Variants in CPNE9 observed in about 807,000 individuals in gnomAD.
CPNE9 encodes the protein copine-9.
CPNE9 carries 59 observed loss-of-function variants against 83.0 expected under a neutral mutation model. That is an observed-to-expected ratio of 0.71 (90% CI 0.58 to 0.88). CPNE9 has a LOEUF of 0.88. Among genes scored for constraint, CPNE9 ranks in the 40% least tolerant of loss-of-function variants. The pLI is 0.00. For synonymous variants in CPNE9, 256 were observed against 273.4 expected (o/e 0.94, Z 0.63); for missense variants, 619 against 720.8 (o/e 0.86, Z 1.62).
intron 15 of CPNE9, among the ~76,000 whole-genome samples, chr3:9,717,717 A>C (rs2076696691): frequency 6.6e-6 from 1 of 151,986 alleles, no homozygotes; most frequent in Non-Finnish European, 1.5e-5. Context: ...TGAGTGGGTA[A>C]GTGGATAGCT....
chr3:9,705,933 C>A, intron 6 of CPNE9, 54 bp from the exon 7 acceptor site: 1 of 1,578,890 alleles, frequency 6.3e-7, no homozygotes, highest in Non-Finnish European at 8.7e-7. Context: ...TGGGGCTAGG[C>A]TGGGACTCAG....
chr3:9,718,648 A>G, intron 17 of CPNE9, 46 bp downstream of exon 17: 2 of 1,597,458 alleles, frequency 1.3e-6, no homozygotes, highest in Non-Finnish European at 1.7e-6. Context: ...GGACCCACAT[A>G]AGGGATTGAC....
chr3:9,728,452 C>T (rs981498252), intron 20 of CPNE9, among the ~76,000 whole-genome samples: 17 of 152,172 alleles, frequency 1.1e-4, no homozygotes, highest in African/African-American at 3.1e-4. Context: ...GGAGAAACCC[C>T]GTCTCTACTA....
chr3:9,721,766 T>G (rs941280594), intron 17 of CPNE9, among the ~76,000 whole-genome samples: 1 of 152,126 alleles, frequency 6.6e-6, no homozygotes, highest in Admixed American at 6.6e-5. Flanking sequence ...GATAATGGAC[T>G]GGGGATAGAG....
chr3:9,705,550 G>C (rs1393495388), intron 5 of CPNE9, 50 bp downstream of exon 5: 1 of 1,601,550 alleles, frequency 6.2e-7, no homozygotes, highest in Non-Finnish European at 8.6e-7. Context: ...GAGGCACTTA[G>C]ATGTGTTCAA....
intron 7 of CPNE9, among the ~76,000 whole-genome samples, chr3:9,707,219 G>C (rs552682647): frequency 6.6e-6 from 1 of 152,062 alleles, no homozygotes; most frequent in East Asian, 1.9e-4. Flanking sequence ...TAGGCATGGT[G>C]GTGGGTGCCT....
intron 17 of CPNE9, among the ~76,000 whole-genome samples, chr3:9,719,291 T>C (rs1228614403): frequency 2.0e-5 from 3 of 152,202 alleles, no homozygotes; most frequent in Non-Finnish European, 4.4e-5. Flanking sequence ...CCCCCGTGGA[T>C]ACTGAGGGAT....
rs200459879 is a variant in CPNE9, at chr3:9,726,777, AG to A, written c.1402+60del. On this transcript the variant is annotated intron_variant, in intron 19 of 20. Coordinates refer to ENST00000383832, the MANE Select transcript of CPNE9 (RefSeq NM_153635.3). ...ACTAAGAACTAAGGAGAAAAGTGGG[AG>A]GGGGTCGGGTACTTGGGCCTGCCTC... The A allele has an allele frequency of 8.6e-3, 13,085 of 1,530,114 alleles. 69 individuals are homozygous for A. Among genetic ancestry groups the A allele is most frequent in the Non-Finnish European group, 0.01 (11,254 of 1,104,378 alleles). The allele number at this position is 1,530,114 out of a possible 1,614,324, so 94.8% of individuals were successfully genotyped here.
Position 9,713,004 on chromosome 3 carries a change from T to C in CPNE9, c.575T>C (p.Val192Ala). 1 of 1,614,166 alleles carries C rather than the reference T, an allele frequency of 6.2e-7. No homozygotes were observed. Among genetic ancestry groups the C allele is most frequent in the Non-Finnish European group, 8.5e-7 (1 of 1,180,020 alleles). ...TFTICHKTEV[V>A]KNTLNPVWQP... ...ACCATCTGCCACAAGACAGAGGTTG[T>C]GAAAAACACGCTGAATCCTGTGTGG... Residue 192 changes from valine (V) to alanine (A), a missense_variant, in exon 10 of 21, where the codon GTG becomes GCG. Around this residue, in one of 3 missense-constraint regions of CPNE9, gnomAD observed 438 missense variants for 562.9 expected, o/e 0.78. Coordinates refer to ENST00000383832, the MANE Select transcript of CPNE9 (RefSeq NM_153635.3).
At chr3:9,721,486 A>C (rs746192284) in intron 17 of CPNE9, among the ~76,000 whole-genome samples, 9 of 152,184 alleles carry the variant, frequency 5.9e-5, no homozygotes, top group African/African-American at 1.4e-4. Flanking sequence ...CAGATCATGC[A>C]GTGAGAACCC....
rs377142475 is a variant in CPNE9 at position 9,729,527 on chromosome 3, T to C, written c.1497T>C (p.Tyr499=). The change falls in exon 21 of 21, where the codon TAT becomes TAC. Residue 499 remains tyrosine (Y), a synonymous_variant. Coordinates refer to ENST00000383832, the MANE Select transcript of CPNE9 (RefSeq NM_153635.3). ...DIVQFVPFRD[Y]VDRSGNQVLS... Reference sequence around the variant, plus strand: ...CCCAGTTCGTCCCATTCCGAGACTATGTTGACCGGTCGGGGAACCAGGTGT... The same window carrying C: ...CCCAGTTCGTCCCATTCCGAGACTACGTTGACCGGTCGGGGAACCAGGTGT... The C allele has an allele frequency of 5.0e-6, 8 of 1,613,766 alleles. No homozygotes were observed. In the African/African-American group the frequency reaches 8.0e-5, roughly 16 times the overall value.
Position 9,716,650 on chromosome 3 carries a change from T to G in CPNE9, c.885-408T>G, listed in dbSNP as rs537047245. On this transcript the variant is annotated intron_variant, in intron 14 of 20. Transcript: ENST00000383832. ...CACGCCCGGCTAATTTTTTGTATTT[T>G]TAGTAGAGATGCGGTTTCCCCATGT... 1.2e-4 allele frequency among the ~76,000 whole-genome samples: 19 copies of G among 152,310 alleles called. No homozygotes were observed. The South Asian group carries it at 3.3e-3, about 27-fold the overall frequency.
Position 9,704,902 on chromosome 3 carries a change from C to A in CPNE9, c.168C>A (p.Thr56=). 2 of 1,613,230 alleles carry A rather than the reference C, an allele frequency of 1.2e-6. No homozygotes were observed. The highest frequency in any genetic ancestry group is 1.7e-6 in the Non-Finnish European group (2 of 1,179,760). ...ACCCCCCTACCCAGTTCGGACGGAC[C>A]GAGGTGATTGATAACACGCTGAACC... ...ASQEWREFGR[T]EVIDNTLNPD... The change falls in exon 4 of 21, where the codon ACC becomes ACA. Residue 56 remains threonine, a synonymous_variant. Coordinates refer to ENST00000383832, the MANE Select transcript of CPNE9 (RefSeq NM_153635.3). The surrounding 1 kb of genome is among the most constrained non-coding windows in gnomAD (Gnocchi z 7.1).
At position 9,704,609 on chromosome 3, in the gene CPNE9, T is replaced by G; in HGVS notation, c.91T>G (p.Phe31Val). The change falls in exon 2 of 21, where the codon TTC (phenylalanine) becomes GTC (valine). Residue 31 changes from phenylalanine (F) to valine (V), a missense_variant. Coordinates refer to ENST00000383832, the MANE Select transcript of CPNE9 (RefSeq NM_153635.3). This position sits in a 1 kb window ranked among gnomAD's most constrained non-coding sequence, Gnocchi z 7.1. ...TAGGAACCTGCTAGACCTTGATACC[T>G]TCTCCAAGTCCGACCCCAGTAGGCG... ...SCRNLLDLDT[F>V]SKSDPMVVLY... is the part of the protein sequence containing the mutation. The G allele has an allele frequency of 6.2e-7, 1 of 1,614,004 alleles. No individual in the cohort carries two copies. Among genetic ancestry groups the G allele is most frequent in the Non-Finnish European group, 8.5e-7 (1 of 1,179,882 alleles).
In CPNE9 at chr3:9,729,667, C is replaced by T; in HGVS notation, c.1637C>T (p.Pro546Leu). The change falls in exon 21 of 21, where the codon CCG becomes CTG. Residue 546 changes from proline (P) to leucine (L), a missense_variant. By Grantham distance (98) the Pro-to-Leu change is moderately conservative. Transcript: ENST00000383832. ...CCCCCACCCCCTGCCAACCCCAGCC[C>T]GATCCCAGCTCCAGAGCAGCCCTGA... Reference protein sequence around the residue: ...PRPPPPANPSPIPAPEQP With the variant: ...PRPPPPANPSLIPAPEQP The T allele has an allele frequency of 5.0e-6, 8 of 1,613,828 alleles. No homozygotes were observed. Among genetic ancestry groups the T allele is most frequent in the South Asian group, 1.1e-5 (1 of 91,064 alleles).
rs941148862 is a variant in CPNE9 at position 9,715,065 on chromosome 3, T to C, written c.692+110T>C. On this transcript the variant is annotated intron_variant, in intron 11 of 20. Coordinates refer to ENST00000383832, the MANE Select transcript of CPNE9 (RefSeq NM_153635.3). ...AAGTAGCTTTAGGAGCCAGGAAAGG[T>C]GATGATAAACACCAGTGTCTTGGGT... The C allele has an allele frequency of 5.6e-6, 6 of 1,067,176 alleles. No homozygotes were observed. The Admixed American group carries it at 1.2e-4, about 21-fold the overall frequency. 66.1% of individuals were successfully genotyped at this position (1,067,176 alleles called of 1,614,324 possible). A position where few individuals can be genotyped will look rare whatever the true frequency, so the allele number is the denominator to read the frequency against.
rs2076700894 is a variant in CPNE9, at chr3:9,718,069, C to T, written c.972C>T (p.Pro324=). The T allele has an allele frequency of 6.2e-7, 1 of 1,613,964 alleles. No homozygotes were observed. The highest frequency in any genetic ancestry group is 8.5e-7 in the Non-Finnish European group (1 of 1,179,964). The change falls in exon 16 of 21, where the codon CCC becomes CCT. Residue 324 remains proline, a synonymous_variant. Coordinates refer to ENST00000383832, the MANE Select transcript of CPNE9 (RefSeq NM_153635.3). ...LQPTSLHYMS[P]YQLSAYAMAL... ...CTACCTCCCTGCACTACATGAGTCC[C>T]TACCAGCTCAGCGCCTATGCCATGG...
intron 7 of CPNE9, among the ~76,000 whole-genome samples, chr3:9,706,335 C>T (rs2076564859): frequency 6.6e-6 from 1 of 151,456 alleles, no homozygotes; most frequent in Non-Finnish European, 1.5e-5. Context: ...TCTGATTCAG[C>T]CTTTAAGGTC....
rs551317246 is a variant in CPNE9, at chr3:9,714,519, T to A, written c.651-395T>A. On this transcript the variant is annotated intron_variant, in intron 10 of 20. Transcript: ENST00000383832. Reference sequence around the variant, plus strand: ...TACTTTTTTTTTTTTGTATCTCAATTTCCTTATCCCAAAATAATAATAATA... The same window carrying A: ...TACTTTTTTTTTTTTGTATCTCAATATCCTTATCCCAAAATAATAATAATA... Among the ~76,000 whole-genome samples, 4 of 151,942 alleles carry A rather than the reference T, an allele frequency of 2.6e-5. No individual in the cohort carries two copies. In the South Asian group the frequency reaches 6.3e-4, roughly 24 times the overall value.
Sources: gnomAD v4.1 joint callset for allele counts (sites outside exome capture counted in the v4.1 genomes callset) on GRCh38, gnomAD v4.1.1 for gene constraint, gnomAD v4.1.1 regional missense constraint, Gnocchi (gnomAD v3.1) non-coding constraint, MANE v1.5 for transcripts, NCBI Gene and HGNC (gene_info 2026-07-23, HGNC 2026-07-21) for gene names.